The following CRISPLD2 variants were observed in gnomAD, a reference collection of about 807,000 sequenced individuals.
The protein encoded by CRISPLD2 is cysteine-rich secretory protein LCCL domain-containing 2.
CRISPLD2 carries 47 observed loss-of-function variants against 71.1 expected under a neutral mutation model. The observed-to-expected ratio is 0.66, with a 90% CI of 0.52 to 0.84. The LOEUF (loss-of-function observed/expected upper bound fraction) is 0.84. Among genes scored for constraint, CRISPLD2 ranks in the 40% least tolerant of loss-of-function variants. CRISPLD2 has a pLI of 0.00. For missense variants in CRISPLD2, 830 were observed against 651.1 expected, an observed-to-expected ratio of 1.27 and a Z score of -2.99; for synonymous variants, 317 against 250.1, an observed-to-expected ratio of 1.27 and a Z score of -2.52.
intron 1 of CRISPLD2, among the ~76,000 whole-genome samples, chr16:84,837,161 C>T (rs57096225): frequency 0.023 from 3,441 of 152,286 alleles, 38 homozygotes; most frequent in South Asian, 0.064. Context: ...TGTGCGTGGA[C>T]GCACTCGTTC....
At chr16:84,829,414 G>A (rs578149454) in intron 1 of CRISPLD2, among the ~76,000 whole-genome samples, 1 of 152,196 alleles carries the variant, frequency 6.6e-6, no homozygotes, top group African/African-American at 2.4e-5. Flanking sequence ...CAAACGGGGG[G>A]AGTGGAGTAC....
chr16:84,835,042 C>T (rs1597447905), intron 1 of CRISPLD2, among the ~76,000 whole-genome samples: 1 of 152,130 alleles, frequency 6.6e-6, no homozygotes, highest in East Asian at 1.9e-4. Context: ...GCACTGGGCT[C>T]TGGGGGTACA....
At chr16:84,902,954 G>A (rs1001514403) in intron 14 of CRISPLD2, among the ~76,000 whole-genome samples, 1 of 151,652 alleles carries the variant, frequency 6.6e-6, no homozygotes, top group Non-Finnish European at 1.5e-5. Context: ...TGTATTTTTA[G>A]TAGGGGTTTC....
rs34028519 is a variant in CRISPLD2 at position 84,875,414 on chromosome 16, C to CTTTTTTTTTTTTTTTTT, written c.1156+1458_1156+1474dup. ...GAGAAACATGAGATTTATGCATGGA[C>CTTTTTTTTTTTTTTTTT]TTTTTTTTTTTTTTTTTTTTTTTGT... On this transcript the variant is annotated intron_variant, in intron 11 of 14. Transcript: ENST00000262424. Among the ~76,000 whole-genome samples, 23 of 87,784 alleles carry CTTTTTTTTTTTTTTTTT rather than the reference C, an allele frequency of 2.6e-4. 4 individuals carry two copies. Among genetic ancestry groups the CTTTTTTTTTTTTTTTTT allele is most frequent in the African/African-American group, 1.3e-3 (23 of 18,014 alleles). The allele number at this position is 87,784 out of a possible 152,430, so 57.6% of individuals were successfully genotyped here.
chr16:84,861,812 G>C (rs976143434), intron 6 of CRISPLD2, among the ~76,000 whole-genome samples: 5 of 152,142 alleles, frequency 3.3e-5, no homozygotes, highest in Admixed American at 6.5e-5. Flanking sequence ...CTGTGGTCCT[G>C]GCTGTGGCCT....
At chr16:84,827,065 A>G (rs1276888874) in intron 1 of CRISPLD2, among the ~76,000 whole-genome samples, 4 of 152,032 alleles carry the variant, frequency 2.6e-5, no homozygotes, top group African/African-American at 7.3e-5. Context: ...ATTTTCACAA[A>G]GCGCCGTAGC....
At position 84,875,723 on chromosome 16, in the gene CRISPLD2, ATT is replaced by A. The variant is rs35350672; in HGVS notation, c.1157-1695_1157-1694del. 8.0e-3 allele frequency among the ~76,000 whole-genome samples: 1,034 copies of A among 128,804 alleles called. 9 individuals are homozygous for A. Among genetic ancestry groups the A allele is most frequent in the African/African-American group, 0.026 (916 of 35,406 alleles). The allele number at this position is 128,804 out of a possible 152,430, so 84.5% of individuals were successfully genotyped here. A position where few individuals can be genotyped will look rare whatever the true frequency, so the allele number is the denominator to read the frequency against. On this transcript the variant is annotated intron_variant, in intron 11 of 14. Transcript: ENST00000262424. ...AGGCACCCGCCACCATGTCCAGCTA[ATT>A]TTTTTTTTTTTTTTTTTTTAAGTAG...
At chr16:84,850,774 A>G in intron 5 of CRISPLD2, 91 bp downstream of exon 5, 7 of 910,236 alleles carry the variant, frequency 7.7e-6, no homozygotes, top group Non-Finnish European at 1.3e-5. Context: ...TGAGCAGCGA[A>G]GTCTTTAATA....
rs969445457 is a variant in CRISPLD2 at position 84,868,888 on chromosome 16, G to C, written c.891G>C (p.Arg297Ser). The C allele has an allele frequency of 6.2e-7, 1 of 1,608,554 alleles. No homozygotes were observed. Among genetic ancestry groups the C allele is most frequent in the African/African-American group, 1.3e-5 (1 of 74,592 alleles). The change falls in exon 8 of 15, where the codon AGG becomes AGC. Residue 297 changes from arginine (R) to serine (S), a missense_variant. Physicochemically the swap from Arg to Ser is moderately radical, Grantham distance 110. Coordinates refer to ENST00000262424, the MANE Select transcript of CRISPLD2 (RefSeq NM_031476.4). Reference protein sequence around the residue: ...VVRCDTKMKDRCKGSTCNRYQ... With the variant: ...VVRCDTKMKDSCKGSTCNRYQ... ...GATGTGACACCAAGATGAAGGACAGGTGCAAAGGGTCCACGTGTAACAGGT... is the reference window on the plus strand; with the variant it reads ...GATGTGACACCAAGATGAAGGACAGCTGCAAAGGGTCCACGTGTAACAGGT...
In CRISPLD2 at chr16:84,846,906, G is replaced by A. The variant is rs562102432; in HGVS notation, c.359+1002G>A. Among the ~76,000 whole-genome samples the A allele has an allele frequency of 2.2e-4, 34 of 152,306 alleles. No individual in the cohort carries two copies. In the South Asian group the frequency reaches 5.8e-3, roughly 26 times the overall value. On this transcript the variant is annotated intron_variant, in intron 3 of 14. Coordinates refer to ENST00000262424, the MANE Select transcript of CRISPLD2 (RefSeq NM_031476.4). ...CCAGAGTAAGCTGGACCATGTATCC[G>A]TGCTCCCAAAGAACCCAGAAGTCCC...
At chr16:84,878,547 T>C (rs187170475) in intron 12 of CRISPLD2, among the ~76,000 whole-genome samples, 1 of 152,372 alleles carries the variant, frequency 6.6e-6, no homozygotes, top group East Asian at 1.9e-4. Flanking sequence ...CATTCCATTC[T>C]GTGGATACGT....
chr16:84,820,696 C>G (rs997561005), intron 1 of CRISPLD2, among the ~76,000 whole-genome samples: 1 of 152,186 alleles, frequency 6.6e-6, no homozygotes, highest in Non-Finnish European at 1.5e-5. Flanking sequence ...CGGGCAGAGC[C>G]AGGGCTGGAA....
chr16:84,879,718 C>T (rs2071552097), intron 12 of CRISPLD2, among the ~76,000 whole-genome samples: 1 of 151,920 alleles, frequency 6.6e-6, no homozygotes, highest in Non-Finnish European at 1.5e-5. Flanking sequence ...ACTCATTTCC[C>T]TTCCTCCCAG....
At chr16:84,829,967 G>C (rs547541701) in intron 1 of CRISPLD2, among the ~76,000 whole-genome samples, 9 of 152,216 alleles carry the variant, frequency 5.9e-5, no homozygotes, top group Non-Finnish European at 1.2e-4. Context: ...AAGGCTCAGT[G>C]CTGGCCAATG....
intron 2 of CRISPLD2, among the ~76,000 whole-genome samples, chr16:84,845,564 C>T (rs939914436): frequency 5.9e-5 from 9 of 152,254 alleles, no homozygotes; most frequent in African/African-American, 2.2e-4. Flanking sequence ...TGCCCAGGAC[C>T]TCTGGCAAGT....
chr16:84,855,320 C>T (rs933209898), intron 6 of CRISPLD2, among the ~76,000 whole-genome samples: 2 of 152,080 alleles, frequency 1.3e-5, no homozygotes, highest in Non-Finnish European at 2.9e-5. Flanking sequence ...GAGTATTAAA[C>T]TCACGTGATC....
At position 84,854,795 on chromosome 16, in the gene CRISPLD2, T is replaced by C. The variant is rs745325222; in HGVS notation, c.675T>C (p.Tyr225=). The C allele has an allele frequency of 2.5e-6, 4 of 1,614,120 alleles. No individual in the cohort carries two copies. Among genetic ancestry groups the C allele is most frequent in the African/African-American group, 1.3e-5 (1 of 75,030 alleles). ...CCTGCTCTGAGTGCCCACCCAGCTATGGAGGCAGCTGCAGGAACAACTTGT... is the reference window on the plus strand; with the variant it reads ...CCTGCTCTGAGTGCCCACCCAGCTACGGAGGCAGCTGCAGGAACAACTTGT... The part of the protein sequence containing the change: ...GRPCSECPPS[Y]GGSCRNNLCY... Residue 225 remains tyrosine, a synonymous_variant, in exon 6 of 15, where the codon TAT becomes TAC. Transcript: ENST00000262424.
intron 8 of CRISPLD2, among the ~76,000 whole-genome samples, chr16:84,870,706 A>T (rs894565746): frequency 2.6e-5 from 4 of 152,212 alleles, no homozygotes; most frequent in Admixed American, 6.5e-5. Flanking sequence ...ACGACTGTAC[A>T]TGAATGTGTT....
intron 14 of CRISPLD2, among the ~76,000 whole-genome samples, chr16:84,902,375 C>T (rs969287392): frequency 3.3e-5 from 5 of 151,446 alleles, no homozygotes; most frequent in East Asian, 2.0e-4. Context: ...TTTGGGAGGC[C>T]GAGGAGGGTG....
Sources: gnomAD v4.1 joint callset for allele counts (sites outside exome capture counted in the v4.1 genomes callset) on GRCh38, gnomAD v4.1.1 for gene constraint, MANE v1.5 for transcripts, NCBI Gene and HGNC (gene_info 2026-07-23, HGNC 2026-07-21) for gene names.